USP45: variants seen among roughly 807,000 people sequenced by gnomAD.
USP45 encodes ubiquitin specific peptidase 45.
A neutral mutation model predicts 95.8 loss-of-function variants in USP45; 89 were observed. The ratio of observed to expected loss-of-function variants is 0.93; its 90% CI spans 0.78 to 1.11. The LOEUF is 1.11. Among genes scored for constraint, USP45 ranks in the 50% least tolerant of loss-of-function variants. The probability of loss-of-function intolerance (pLI) is 0.00; values close to 1 mark genes in which losing one functional copy is unlikely to be tolerated. For missense variants in USP45, 898 were observed against 942.5 expected (o/e 0.95, Z 0.62); for synonymous variants, 281 against 316.2 (o/e 0.89, Z 1.18).
chr6:99,460,693 G>C (rs958012524), intron 13 of USP45: 11 of 743,636 alleles, frequency 1.5e-5, no homozygotes, highest in Non-Finnish European at 1.6e-5. Flanking sequence ...GGTCTGATTG[G>C]TAAAATAATA....
upstream of USP45, among the ~76,000 whole-genome samples, chr6:99,515,787 T>TTTG (rs1276386344): frequency 6.8e-6 from 1 of 146,658 alleles, no homozygotes; most frequent in African/African-American, 2.5e-5. Flanking sequence ...TTTTTTTTTT[T>TTTG]TTTTTGAGAC....
At chr6:99,507,220 A>G (rs1436139044) in intron 4 of USP45, among the ~76,000 whole-genome samples, 1 of 152,208 alleles carries the variant, frequency 6.6e-6, no homozygotes, top group Non-Finnish European at 1.5e-5. Context: ...AACAACAAAA[A>G]GTAGAGAGAT....
chr6:99,512,928 T>C (rs1800219094), intron 1 of USP45, among the ~76,000 whole-genome samples: 1 of 152,158 alleles, frequency 6.6e-6, no homozygotes, highest in African/African-American at 2.4e-5. Context: ...CAGCCACTCA[T>C]ATTTTCCTAT....
chr6:99,461,685 T>C (rs924905930), intron 13 of USP45: 21 of 984,694 alleles, frequency 2.1e-5, no homozygotes, highest in Non-Finnish European at 2.4e-5. Context: ...AGATAACTCA[T>C]ATAATTTGGC....
chr6:99,477,829 G>C (rs932128883), intron 8 of USP45, among the ~76,000 whole-genome samples: 1 of 152,134 alleles, frequency 6.6e-6, no homozygotes, highest in Non-Finnish European at 1.5e-5. Context: ...CCTGCACTTG[G>C]TGGACAGAAC....
chr6:99,459,534 GT>G (rs757797819), intron 13 of USP45, among the ~76,000 whole-genome samples: 4 of 152,136 alleles, frequency 2.6e-5, no homozygotes, highest in African/African-American at 4.8e-5. Flanking sequence ...TGGTAGTTCT[GT>G]TTTTAGCTCT....
At chr6:99,487,633 C>CAAAAAAA (rs11335830) in intron 7 of USP45, among the ~76,000 whole-genome samples, 66 of 106,362 alleles carry the variant, frequency 6.2e-4, no homozygotes, top group African/African-American at 1.1e-3. Context: ...ACTAAAAATA[C>CAAAAAAA]AAAAAAAAAA....
intron 13 of USP45, among the ~76,000 whole-genome samples, chr6:99,451,859 C>A (rs952930936): frequency 3.9e-5 from 6 of 152,130 alleles, no homozygotes; most frequent in Non-Finnish European, 8.8e-5. Flanking sequence ...AGAACAGAAC[C>A]CGCAGAAATA....
chr6:99,476,269 A>C (rs1790833688), intron 8 of USP45, 39 bp from the exon 9 acceptor site: 7 of 1,573,698 alleles, frequency 4.4e-6, no homozygotes, highest in Non-Finnish European at 5.2e-6. Context: ...AAAAAAGAAT[A>C]ATCATTCCAT....
intron 4 of USP45, among the ~76,000 whole-genome samples, chr6:99,505,448 T>C (rs1447125700): frequency 6.6e-6 from 1 of 151,964 alleles, no homozygotes; most frequent in Non-Finnish European, 1.5e-5. Flanking sequence ...GGAGGATCAC[T>C]TGAGGTTGGG....
chr6:99,435,930 A>G, intron 17 of USP45, 84 bp from the exon 18 acceptor site: 1 of 1,386,138 alleles, frequency 7.2e-7, no homozygotes, highest in Admixed American at 2.6e-5. Flanking sequence ...CATATTCATT[A>G]CAAACTCTAT....
chr6:99,510,168 T>C lies in USP45; in HGVS notation c.53A>G (p.Lys18Arg). 6.2e-7 allele frequency: 1 copy of C among 1,614,104 alleles called. No individual in the cohort carries two copies. Among genetic ancestry groups the C allele is most frequent in the East Asian group, 2.2e-5 (1 of 44,884 alleles). Residue 18 changes from lysine (K) to arginine (R), a missense_variant, in exon 2 of 18, where the codon AAA becomes AGA. Transcript: ENST00000500704. ...TTCATCATGAGGTACAGTAGGCCTT[T>C]TACTTCTTTTGGCTTTCTCAGGTAA... ...KALPEKAKRS[K>R]RPTVPHDEDS...
rs973162978 is a variant in USP45 at position 99,435,104 on chromosome 6, A to T, written c.*612T>A. On this transcript the variant is annotated 3_prime_UTR_variant, in exon 18 of 18. Transcript: ENST00000500704. ...GTATTAGGTGTTACTTCATGAAATT[A>T]TGTGTTATAGCAGTTTCCTAAATGG... The T allele has an allele frequency of 2.0e-5, 3 of 152,604 alleles. No homozygotes were observed. The highest frequency in any genetic ancestry group is 4.4e-5 in the Non-Finnish European group (3 of 68,022). 9.5% of individuals were successfully genotyped at this position (152,604 alleles called of 1,614,324 possible).
rs1779920505 is a variant in USP45, at chr6:99,432,908, C to G, written c.*2808G>C. 6.6e-6 allele frequency: 1 copy of G among 152,608 alleles called. No individual in the cohort carries two copies. Among genetic ancestry groups the G allele is most frequent in the Admixed American group, 6.5e-5 (1 of 15,284 alleles). 9.5% of individuals were successfully genotyped at this position (152,608 alleles called of 1,614,324 possible). A position where few individuals can be genotyped will look rare whatever the true frequency, so the allele number is the denominator to read the frequency against. ...AATCATCACACATGGAAGCTAAGAA[C>G]TATTAAATACAGTAAAATAGCTCTG... On this transcript the variant is annotated 3_prime_UTR_variant, in exon 18 of 18. Coordinates refer to ENST00000500704, the MANE Select transcript of USP45 (RefSeq NM_001346022.3).
chr6:99,433,443 C>T lies in USP45; in HGVS notation c.*2273G>A. 6.6e-6 allele frequency: 1 copy of T among 152,626 alleles called. No individual in the cohort carries two copies. The allele number at this position is 152,626 out of a possible 1,614,324, so 9.5% of individuals were successfully genotyped here. A position where few individuals can be genotyped will look rare whatever the true frequency, so the allele number is the denominator to read the frequency against. On this transcript the variant is annotated 3_prime_UTR_variant, in exon 18 of 18. Coordinates refer to ENST00000500704, the MANE Select transcript of USP45 (RefSeq NM_001346022.3). ...ACTTGCTACTATATACATTTACTATCCCTGCAAATGTGCTTTGGAAATAAT... is the reference window on the plus strand; with the variant it reads ...ACTTGCTACTATATACATTTACTATTCCTGCAAATGTGCTTTGGAAATAAT...
At position 99,488,734 on chromosome 6, in the gene USP45, C is replaced by G; in HGVS notation, c.565G>C (p.Val189Leu). 6.2e-7 allele frequency: 1 copy of G among 1,607,236 alleles called. No individual in the cohort carries two copies. Among genetic ancestry groups the G allele is most frequent in the Non-Finnish European group, 8.5e-7 (1 of 1,177,288 alleles). The change falls in exon 6 of 18, where the codon GTA becomes CTA. Residue 189 changes from valine (V) to leucine (L), a missense_variant. Coordinates refer to ENST00000500704, the MANE Select transcript of USP45 (RefSeq NM_001346022.3). ...QKGGKCRNLS[V>L]RGITNLGNTC... ...TTTCCTAAATTTGTAATTCCTCTTA[C>G]AGATAAATTTCTGCATTTTCCTCCC...
At chr6:99,461,775 G>A (rs1026758115) in intron 13 of USP45, 1 of 982,610 alleles carries the variant, frequency 1.0e-6, no homozygotes, top group African/African-American at 1.8e-5. Context: ...AAGATGCAAG[G>A]TGCTTCTATT....
At chr6:99,493,689 G>A (rs1385737503) in intron 5 of USP45, among the ~76,000 whole-genome samples, 1 of 151,892 alleles carries the variant, frequency 6.6e-6, no homozygotes, top group Non-Finnish European at 1.5e-5. Context: ...AGTAGAGATG[G>A]GGTTTCACCA....
chr6:99,478,220 GTTTTTTT>G (rs71021740), intron 8 of USP45, among the ~76,000 whole-genome samples: 105 of 99,438 alleles, frequency 1.1e-3, no homozygotes, highest in African/African-American at 2.6e-3. Flanking sequence ...ACTTAGATTT[GTTTTTTT>G]TTTTTTTTTT....
Sources: gnomAD v4.1 joint callset for allele counts (sites outside exome capture counted in the v4.1 genomes callset) on GRCh38, gnomAD v4.1.1 for gene constraint, MANE v1.5 for transcripts, NCBI Gene and HGNC (gene_info 2026-07-23, HGNC 2026-07-21) for gene names.